The following DRC8 variants were observed in gnomAD, a reference collection of about 807,000 sequenced individuals.
The protein encoded by DRC8 is dynein regulatory complex protein 8.
chr1:245,100,482 A>C, the DRC8 span, among the ~76,000 whole-genome samples: 31 of 151,784 alleles, frequency 2.0e-4, no homozygotes, highest in African/African-American at 7.5e-4. Flanking sequence ...AATGACCTTA[A>C]AAAAATACTA....
chr1:245,118,135 G>C, the DRC8 span, among the ~76,000 whole-genome samples: 1 of 152,170 alleles, frequency 6.6e-6, no homozygotes, highest in East Asian at 1.9e-4. Context: ...TGCACACTTA[G>C]ACCGAGAACT....
chr1:245,081,548 A>T, the DRC8 span, among the ~76,000 whole-genome samples: 1 of 151,860 alleles, frequency 6.6e-6, no homozygotes, highest in Non-Finnish European at 1.5e-5. Flanking sequence ...GGCTCACTGC[A>T]ACCTCCATCT....
chr1:245,104,742 C>G, the DRC8 span, among the ~76,000 whole-genome samples: 27 of 152,212 alleles, frequency 1.8e-4, no homozygotes, highest in East Asian at 4.1e-3. Flanking sequence ...GACCTCCTTC[C>G]CCTTTTCCCC....
the DRC8 span, among the ~76,000 whole-genome samples, chr1:245,034,600 C>CAAAAAAAA: frequency 1.1e-3 from 45 of 39,502 alleles, 1 homozygote; most frequent in East Asian, 4.5e-3. Flanking sequence ...GACTCCATCT[C>CAAAAAAAA]AAAAAAAAAA....
the DRC8 span, chr1:245,091,067 C>T: frequency 6.6e-6 from 1 of 152,172 alleles, no homozygotes; most frequent in Non-Finnish European, 1.5e-5. Flanking sequence ...CAAATAGAGA[C>T]CTGATGTGCC....
At chr1:245,106,011 C>T in the DRC8 span, among the ~76,000 whole-genome samples, 3 of 152,256 alleles carry the variant, frequency 2.0e-5, no homozygotes, top group East Asian at 1.9e-4. Flanking sequence ...CCCAGGAGTT[C>T]GAGGCTGCAG....
chr1:245,086,557 G>C, the DRC8 span, among the ~76,000 whole-genome samples: 1 of 152,234 alleles, frequency 6.6e-6, no homozygotes, highest in African/African-American at 2.4e-5. Flanking sequence ...CTACAAGATA[G>C]AAGTCCCTAA....
the DRC8 span, among the ~76,000 whole-genome samples, chr1:245,023,387 A>C: frequency 3.9e-4 from 60 of 152,294 alleles, no homozygotes; most frequent in East Asian, 0.011. Flanking sequence ...TTTTGGGTGC[A>C]TATCCAGGAG....
chr1:245,043,814 T>C, the DRC8 span: 1 of 152,134 alleles, frequency 6.6e-6, no homozygotes, highest in African/African-American at 2.4e-5. Context: ...TGCCGACTTA[T>C]CCCAGCTCAC....
the DRC8 span, among the ~76,000 whole-genome samples, chr1:245,035,424 T>C: frequency 1.3e-5 from 2 of 152,166 alleles, no homozygotes; most frequent in Admixed American, 6.5e-5. Context: ...CTTACACTTA[T>C]GGTCAATTGA....
At chr1:245,057,057 G>A in the DRC8 span, among the ~76,000 whole-genome samples, 7 of 152,312 alleles carry the variant, frequency 4.6e-5, no homozygotes, top group South Asian at 1.2e-3. Context: ...ACGGAAAATG[G>A]AAGTGAGGTG....
At chr1:245,113,805 G>A in the DRC8 span, among the ~76,000 whole-genome samples, 3,002 of 152,082 alleles carry the variant, frequency 0.02, 109 homozygotes, top group East Asian at 0.14. Flanking sequence ...AGAAGCTTAC[G>A]GTGATGGCTC....
chr1:245,086,518 G>A, the DRC8 span, among the ~76,000 whole-genome samples: 1 of 152,196 alleles, frequency 6.6e-6, no homozygotes, highest in Non-Finnish European at 1.5e-5. Flanking sequence ...GATGTCATAT[G>A]ATAAAATAAA....
the DRC8 span, among the ~76,000 whole-genome samples, chr1:244,995,956 C>T: frequency 1.2e-4 from 18 of 152,308 alleles, no homozygotes; most frequent in Admixed American, 1.1e-3. Context: ...CCGTACCATA[C>T]CTCTAGATGT....
the DRC8 span, among the ~76,000 whole-genome samples, chr1:244,996,779 A>C: frequency 6.6e-6 from 1 of 152,170 alleles, no homozygotes; most frequent in Non-Finnish European, 1.5e-5. Context: ...ACTTATGTTT[A>C]GCAGCAGCCA....
the DRC8 span, among the ~76,000 whole-genome samples, chr1:245,054,609 A>G: frequency 6.6e-6 from 1 of 151,928 alleles, no homozygotes; most frequent in East Asian, 1.9e-4. Context: ...GCTCTGCTCC[A>G]TCTCTCATGC....
At chr1:245,064,305 G>T in the DRC8 span, among the ~76,000 whole-genome samples, 3 of 152,210 alleles carry the variant, frequency 2.0e-5, no homozygotes, top group Non-Finnish European at 4.4e-5. Context: ...CCAGCACATA[G>T]TAAAGATAGG....
the DRC8 span, chr1:245,087,554 T>C: frequency 1.7e-6 from 2 of 1,197,552 alleles, no homozygotes; most frequent in Non-Finnish European, 2.1e-6. Flanking sequence ...TACAGAATGA[T>C]AAATTACTAT....
the DRC8 span, among the ~76,000 whole-genome samples, chr1:245,032,786 G>A: frequency 6.6e-6 from 1 of 152,140 alleles, no homozygotes; most frequent in Non-Finnish European, 1.5e-5. Flanking sequence ...TGTTGCTCTA[G>A]GATCCTGGAT....
Sources: gnomAD v4.1 joint callset for allele counts (sites outside exome capture counted in the v4.1 genomes callset) on GRCh38, gnomAD v4.1.1 for gene constraint, MANE v1.5 for transcripts, NCBI Gene and HGNC (gene_info 2026-07-23, HGNC 2026-07-21) for gene names.